The following ADAM20 variants were observed in gnomAD, a reference collection of about 807,000 sequenced individuals.
The protein encoded by ADAM20 is disintegrin and metalloproteinase domain-containing protein 20.
For missense variants in ADAM20, 871 were observed against 883.2 expected (o/e 0.99, Z 0.18); for synonymous variants, 305 against 310.2 (o/e 0.98, Z 0.18).
chr14:70,555,631 CTTT>C, the ADAM20 span, among the ~76,000 whole-genome samples: 1 of 152,168 alleles, frequency 6.6e-6, no homozygotes, highest in African/African-American at 2.4e-5. Context: ...GTTTTACCTT[CTTT>C]TTTTCACGAC....
chr14:70,529,454 T>C (rs1883661318), intron 1 of ADAM20, among the ~76,000 whole-genome samples: 1 of 152,178 alleles, frequency 6.6e-6, no homozygotes, highest in African/African-American at 2.4e-5. Flanking sequence ...TGTTAGGTGA[T>C]TTCGTCATTG....
In ADAM20 at chr14:70,524,402, G is replaced by A. The variant is rs760087634; in HGVS notation, c.356C>T (p.Pro119Leu). The A allele has an allele frequency of 1.4e-4, 227 of 1,613,838 alleles. 1 individual carries two copies. The highest frequency in any genetic ancestry group is 1.2e-5 in the Non-Finnish European group (14 of 1,179,914). Residue 119 changes from proline (P) to leucine (L), a missense_variant, in exon 2 of 2, where the codon CCT (proline) becomes CTT (leucine). By Grantham distance (98) the Pro-to-Leu change is moderately conservative. Transcript: ENST00000256389. ...CYYHGYVEGV[P>L]ESLVALSTCS... ...GGTACTAAGGGCAACCAAGGACTCAGGGACCCCCTCCACATAACCATGGTA... is the reference window on the plus strand; with the variant it reads ...GGTACTAAGGGCAACCAAGGACTCAAGGACCCCCTCCACATAACCATGGTA...
At chr14:70,572,348 A>G in the ADAM20 span, among the ~76,000 whole-genome samples, 1 of 152,220 alleles carries the variant, frequency 6.6e-6, no homozygotes, top group Non-Finnish European at 1.5e-5. Flanking sequence ...ATCAATGGTG[A>G]AAGGACTCCC....
At chr14:70,577,272 T>C in the ADAM20 span, among the ~76,000 whole-genome samples, 2 of 152,060 alleles carry the variant, frequency 1.3e-5, no homozygotes, top group South Asian at 2.1e-4. Context: ...AAAAATAATA[T>C]CATGAAAAAG....
Position 70,524,397 on chromosome 14 carries a change from A to G in ADAM20, c.361T>C (p.Ser121Pro). 4 of 1,613,922 alleles carry G rather than the reference A, an allele frequency of 2.5e-6. No individual in the cohort carries two copies. Among genetic ancestry groups the G allele is most frequent in the Non-Finnish European group, 3.4e-6 (4 of 1,179,902 alleles). Reference sequence around the variant, plus strand: ...GAACAGGTACTAAGGGCAACCAAGGACTCAGGGACCCCCTCCACATAACCA... The same window carrying G: ...GAACAGGTACTAAGGGCAACCAAGGGCTCAGGGACCCCCTCCACATAACCA... The part of the protein sequence containing the change: ...YHGYVEGVPE[S>P]LVALSTCSGG... Residue 121 changes from serine (S) to proline (P), a missense_variant, in exon 2 of 2, where the codon TCC (serine) becomes CCC (proline). Ser to Pro is a moderately conservative substitution (Grantham distance 74). Coordinates refer to ENST00000256389, the MANE Select transcript of ADAM20 (RefSeq NM_003814.5).
the ADAM20 span, among the ~76,000 whole-genome samples, chr14:70,571,360 C>T: frequency 6.6e-6 from 1 of 152,192 alleles, no homozygotes; most frequent in Non-Finnish European, 1.5e-5. Flanking sequence ...TCAGTTCTCA[C>T]AGGATCTGAT....
rs1235842385 is a variant in ADAM20 at position 70,522,986 on chromosome 14, C to T, written c.1772G>A (p.Cys591Tyr). 1.2e-6 allele frequency: 2 copies of T among 1,613,946 alleles called. No homozygotes were observed. The highest frequency in any genetic ancestry group is 1.7e-6 in the Non-Finnish European group (2 of 1,179,976). ...CCCTAAATGATAATCAGTGCCCCAG[C>T]AAGTGGTGTCATTGAGGTGAAACTG... Reference protein sequence around the residue: ...VQQFHLNDTTCWGTDYHLGMA... With the variant: ...VQQFHLNDTTYWGTDYHLGMA... The change falls in exon 2 of 2, where the codon TGC (cysteine) becomes TAC (tyrosine). Residue 591 changes from cysteine to tyrosine, a missense_variant. Cys to Tyr is a radical substitution (Grantham distance 194). Transcript: ENST00000256389.
chr14:70,523,852 G>A lies in ADAM20; in HGVS notation c.906C>T (p.Asp302=), dbSNP rs372135256. 4.3e-6 allele frequency: 7 copies of A among 1,613,814 alleles called. No individual in the cohort carries two copies. The African/African-American group carries it at 9.3e-5, about 22-fold the overall frequency. Residue 302 remains aspartate (D), a synonymous_variant, in exon 2 of 2, where the codon GAC becomes GAT. Transcript: ENST00000256389. ...CAACACCAAGCTTCATGCCTTGTGT[G>A]TCTTTTATGAAAAGATGTGCAACAT... is the stretch of plus-strand genomic sequence containing the variant. ...QHDVAHLFIK[D]TQGMKLGVAY...
chr14:70,524,623 AG>A lies in ADAM20; in HGVS notation c.134del (p.Pro45LeufsTer2). 6.2e-7 allele frequency: 1 copy of A among 1,614,004 alleles called. No homozygotes were observed. The highest frequency in any genetic ancestry group is 1.1e-5 in the South Asian group (1 of 91,078). On this transcript the variant is annotated frameshift_variant, in exon 2 of 2. Transcript: ENST00000256389. LOFTEE classifies it low-confidence loss of function (END_TRUNC). ...QYFTSPEVVIPLKVISRGRGA... is the reference protein window; with the variant it reads ...QYFTSPEVVIXLKVISRGRGA... ...CTCTGCCCCTGCTGATCACCTTCAAAGGGATCACCACTTCTGGAGAAGTGAA... is the reference window on the plus strand; with the variant it reads ...CTCTGCCCCTGCTGATCACCTTCAAAGGATCACCACTTCTGGAGAAGTGAA...
chr14:70,545,622 G>A, the ADAM20 span, among the ~76,000 whole-genome samples: 1 of 152,024 alleles, frequency 6.6e-6, no homozygotes, highest in Non-Finnish European at 1.5e-5. Flanking sequence ...GACAAAGAAG[G>A]TCATTACATA....
chr14:70,536,465 C>CAAAAAACAAAAAAAAAA (rs1883835918), upstream of ADAM20, among the ~76,000 whole-genome samples: 1 of 43,148 alleles, frequency 2.3e-5, no homozygotes, highest in African/African-American at 8.5e-5. Flanking sequence ...AACTCTGTCT[C>CAAAAAACAAAAAAAAAA]AAAAAAAAAA....
At chr14:70,533,390 CACAT>C (rs1320910703) in intron 1 of ADAM20, among the ~76,000 whole-genome samples, 3 of 152,128 alleles carry the variant, frequency 2.0e-5, no homozygotes, top group Admixed American at 6.5e-5. Context: ...GAAAATGTGG[CACAT>C]ACATACCATG....
At chr14:70,534,470 C>T (rs1471463534) in intron 1 of ADAM20, among the ~76,000 whole-genome samples, 1 of 151,950 alleles carries the variant, frequency 6.6e-6, no homozygotes. Context: ...TAAATATTTC[C>T]CAACAGACGC....
In ADAM20 at chr14:70,524,769, C is replaced by A; in HGVS notation, c.-12G>T. 1.2e-6 allele frequency: 2 copies of A among 1,613,844 alleles called. No individual in the cohort carries two copies. The highest frequency in any genetic ancestry group is 1.7e-6 in the Non-Finnish European group (2 of 1,179,926). On this transcript the variant is annotated 5_prime_UTR_variant, in exon 2 of 2. An upstream start codon of the reference 5' UTR is lost. Coordinates refer to ENST00000256389, the MANE Select transcript of ADAM20 (RefSeq NM_003814.5). ...TCACCCACTGCCATTATGAAGCTGT[C>A]ATTATGGAGCCATCTGTCTAGAGCA...
upstream of ADAM20, among the ~76,000 whole-genome samples, chr14:70,539,979 T>C (rs1181575807): frequency 2.6e-5 from 4 of 152,184 alleles, no homozygotes; most frequent in Admixed American, 6.6e-5. Flanking sequence ...CCGATCCGCC[T>C]GGGAACAAAG....
chr14:70,531,707 A>G (rs563838063), intron 1 of ADAM20, among the ~76,000 whole-genome samples: 1 of 152,262 alleles, frequency 6.6e-6, no homozygotes, highest in East Asian at 1.9e-4. Context: ...ATTATATACT[A>G]ACAATAAATC....
rs369248948 is a variant in ADAM20 at position 70,524,431 on chromosome 14, G to A, written c.327C>T (p.Cys109=). ...LQDQPFIQDD[C]YYHGYVEGVP... ...CCCCCTCCACATAACCATGGTAGTA[G>A]CAGTCATCCTGGATGAAGGGCTGAT... The change falls in exon 2 of 2, where the codon TGC becomes TGT. Residue 109 remains cysteine, a synonymous_variant. Transcript: ENST00000256389. 4.3e-6 allele frequency: 7 copies of A among 1,613,864 alleles called. No homozygotes were observed. The East Asian group carries it at 8.9e-5, about 21-fold the overall frequency.
rs376505523 is a variant in ADAM20 at position 70,523,376 on chromosome 14, G to A, written c.1382C>T (p.Ser461Leu). Residue 461 changes from serine (S) to leucine (L), a missense_variant, in exon 2 of 2, where the codon TCA becomes TTA. Ser to Leu is a moderately radical substitution (Grantham distance 145). Transcript: ENST00000256389. The stretch of plus-strand genomic sequence containing the variant: ...AACTTGTTGTCTACATAAAGTTCCT[G>A]ATGGCAGAAATTTGCAGTCTTTGCA... Reference protein sequence around the residue: ...ICCKDCKFLPSGTLCRQQVGE... With the variant: ...ICCKDCKFLPLGTLCRQQVGE... 6.2e-7 allele frequency: 1 copy of A among 1,614,050 alleles called. No individual in the cohort carries two copies. Among genetic ancestry groups the A allele is most frequent in the Admixed American group, 1.7e-5 (1 of 59,984 alleles).
At chr14:70,538,958 TG>T (rs1180875097), upstream of ADAM20, among the ~76,000 whole-genome samples, 1 of 152,214 alleles carries the variant, frequency 6.6e-6, no homozygotes, top group Non-Finnish European at 1.5e-5. Context: ...TCACCATGCC[TG>T]TAGGGAGACC....
Sources: allele counts gnomAD v4.1 joint callset (sites outside exome capture counted in the v4.1 genomes callset), GRCh38; gene constraint gnomAD v4.1.1; transcripts MANE v1.5; gene names NCBI Gene and HGNC (gene_info 2026-07-23, HGNC 2026-07-21).